PCM1: variants seen among roughly 807,000 people sequenced by gnomAD.
The protein encoded by PCM1 is pericentriolar material 1 protein.
PCM1 carries 157 observed loss-of-function variants against 241.9 expected under a neutral mutation model. The ratio of observed to expected loss-of-function variants is 0.65; its 90% CI spans 0.57 to 0.74. PCM1 has a LOEUF of 0.74. Ranked by LOEUF, PCM1 falls within the 30% of genes least tolerant of loss-of-function variation. The pLI, the probability that PCM1 is intolerant of heterozygous loss-of-function variation, is 0.00. For missense variants in PCM1, 3,478 were observed against 2,360.1 expected, an observed-to-expected ratio of 1.47 and a Z score of -9.81; for synonymous variants, 1,085 against 784.9, an observed-to-expected ratio of 1.38 and a Z score of -6.39.
At chr8:17,939,642 T>G (rs1171169120) in intron 5 of PCM1, 49 bp from the exon 6 acceptor site, 2 of 1,069,630 alleles carry the variant, frequency 1.9e-6, no homozygotes, top group East Asian at 5.3e-5. Flanking sequence ...CTTAGTTTTA[T>G]ATATTGTGTA....
At chr8:17,931,752 T>C (rs2059111142) in intron 2 of PCM1, among the ~76,000 whole-genome samples, 1 of 152,212 alleles carries the variant, frequency 6.6e-6, no homozygotes, top group African/African-American at 2.4e-5. Context: ...GGCTGTTTTA[T>C]TCTTCAGTAT....
chr8:17,981,382 C>T (rs139146339), intron 24 of PCM1, among the ~76,000 whole-genome samples: 60 of 152,314 alleles, frequency 3.9e-4, no homozygotes, highest in African/African-American at 1.3e-3. Flanking sequence ...TTTCCCCTTT[C>T]TCCTGTTTTC....
At chr8:17,940,230 AT>A in intron 6 of PCM1, 1 of 769,884 alleles carries the variant, frequency 1.3e-6, no homozygotes, top group Non-Finnish European at 2.2e-6. Context: ...TCAAGATGTT[AT>A]TTTTATAGGC....
rs758335720 is a variant in PCM1, at chr8:17,957,651, C to T, written c.1916C>T (p.Ser639Phe). 21 of 1,599,798 alleles carry T rather than the reference C, an allele frequency of 1.3e-5. No homozygotes were observed. Among genetic ancestry groups the T allele is most frequent in the Non-Finnish European group, 1.8e-5 (21 of 1,172,136 alleles). Residue 639 changes from serine (S) to phenylalanine (F), a missense_variant, in exon 13 of 39, where the codon TCT (serine) becomes TTT (phenylalanine). Ser to Phe is a radical substitution (Grantham distance 155). Transcript: ENST00000325083. ...GAGGGAGTCAGTGGAGCTTCATTAT[C>T]TAGTCACAGGAGCAGTCTGGTTGAT... ...EEEGVSGASL[S>F]SHRSSLVDEH...
At chr8:17,925,101 C>T (rs1187057350) in intron 2 of PCM1, 1 of 152,222 alleles carries the variant, frequency 6.6e-6, no homozygotes, top group African/African-American at 2.4e-5. Flanking sequence ...GCCTCTCTTT[C>T]CAAATCCATT....
chr8:17,990,110 T>A (rs886916451), intron 27 of PCM1, 131 bp downstream of exon 27: 6 of 632,546 alleles, frequency 9.5e-6, no homozygotes, highest in African/African-American at 7.5e-5. Context: ...GACTTAATTA[T>A]CTATCAGTCT....
intron 2 of PCM1, among the ~76,000 whole-genome samples, chr8:17,930,078 T>C (rs1180104210): frequency 6.6e-6 from 1 of 151,318 alleles, no homozygotes; most frequent in Admixed American, 6.6e-5. Flanking sequence ...ACATCCTTAG[T>C]CTTTTCGTTA....
In PCM1 at chr8:17,938,851, A is replaced by C; in HGVS notation, c.454A>C (p.Lys152Gln). Residue 152 changes from lysine (K) to glutamine (Q), a missense_variant, in exon 5 of 39, where the codon AAG (lysine) becomes CAG (glutamine). By Grantham distance (53) the Lys-to-Gln change is moderately conservative. Transcript: ENST00000325083. Reference sequence around the variant, plus strand: ...TTTGCCTATGCAGATTAATACTAACAAGAGCAAAGATGCATCTACAAACCC... The same window carrying C: ...TTTGCCTATGCAGATTAATACTAACCAGAGCAAAGATGCATCTACAAACCC... ...NFLPMQINTN[K>Q]SKDASTNPPN... 1 of 1,613,682 alleles carries C rather than the reference A, an allele frequency of 6.2e-7. No individual in the cohort carries two copies. The highest frequency in any genetic ancestry group is 1.3e-5 in the African/African-American group (1 of 75,048).
rs1318628133 is a variant in PCM1, at chr8:17,974,296, A to G, written c.3943+1609A>G. On this transcript the variant is annotated intron_variant, in intron 23 of 38. Transcript: ENST00000325083. ...TAGAGACAGGGCCGTTAGGCAACTC[A>G]GAACTTTCTATTTCCTAGTGCTTTG... is the stretch of plus-strand genomic sequence containing the variant. Among the ~76,000 whole-genome samples, 4 of 152,360 alleles carry G rather than the reference A, an allele frequency of 2.6e-5. No homozygotes were observed. In the East Asian group the frequency reaches 7.7e-4, roughly 29 times the overall value.
intron 8 of PCM1, among the ~76,000 whole-genome samples, chr8:17,950,947 G>T (rs531346025): frequency 8.5e-5 from 13 of 152,354 alleles, no homozygotes; most frequent in African/African-American, 2.6e-4. Context: ...TATACTTTAA[G>T]AATCACTAAA....
intron 26 of PCM1, among the ~76,000 whole-genome samples, chr8:17,987,839 G>A (rs1336759492): frequency 6.6e-6 from 1 of 151,846 alleles, no homozygotes; most frequent in African/African-American, 2.4e-5. Flanking sequence ...GCAAGTACTT[G>A]AAGTATAGCT....
At chr8:17,973,632 G>A (rs1472670076) in intron 23 of PCM1, among the ~76,000 whole-genome samples, 1 of 151,508 alleles carries the variant, frequency 6.6e-6, no homozygotes, top group Non-Finnish European at 1.5e-5. Context: ...CACAAGAATC[G>A]CTTGAACCTG....
At chr8:18,023,516 TAGA>T (rs1289033365) in intron 36 of PCM1, among the ~76,000 whole-genome samples, 11 of 152,192 alleles carry the variant, frequency 7.2e-5, no homozygotes, top group African/African-American at 2.4e-4. Context: ...GGAACTCCAG[TAGA>T]AGTTTAGCTG....
intron 29 of PCM1, among the ~76,000 whole-genome samples, chr8:17,995,270 T>C (rs1588083362): frequency 6.6e-6 from 1 of 151,414 alleles, no homozygotes; most frequent in Admixed American, 6.6e-5. Flanking sequence ...CCAGCACCAT[T>C]TATTGTGAAG....
In PCM1 at chr8:17,939,681, T is replaced by TC; in HGVS notation, c.613-6dup. Reference sequence around the variant, plus strand: ...TCATGCTTTTTTTAAAAAAAATATTTCCCCTGCAGATTGTAAGCAGGCTTG... The same window carrying TC: ...TCATGCTTTTTTTAAAAAAAATATTTCCCCCTGCAGATTGTAAGCAGGCTTG... On this transcript the variant is annotated splice_polypyrimidine_tract_variant and intron_variant, in intron 5 of 38. Transcript: ENST00000325083. 1.4e-6 allele frequency: 2 copies of TC among 1,470,118 alleles called. No homozygotes were observed. Among genetic ancestry groups the TC allele is most frequent in the South Asian group, 1.4e-5 (1 of 73,072 alleles). 91.1% of individuals were successfully genotyped at this position (1,470,118 alleles called of 1,614,324 possible).
rs182265565 is a variant in PCM1 at position 17,991,718 on chromosome 8, C to T, written c.4690+18C>T. On this transcript the variant is annotated intron_variant, in intron 28 of 38. Coordinates refer to ENST00000325083, the MANE Select transcript of PCM1 (RefSeq NM_006197.4). ...TTTAGAAGGTATATATTTTTGTTTT[C>T]GGTAGGTTTTTGGAGAACAGGTGGT... 2.7e-4 allele frequency: 412 copies of T among 1,531,254 alleles called. No individual in the cohort carries two copies. The highest frequency in any genetic ancestry group is 1.8e-3 in the East Asian group (75 of 40,686). The allele number at this position is 1,531,254 out of a possible 1,614,324, so 94.9% of individuals were successfully genotyped here. A position where few individuals can be genotyped will look rare whatever the true frequency, so the allele number is the denominator to read the frequency against.
chr8:17,985,818 G>T, intron 25 of PCM1, 141 bp from the exon 26 acceptor site: 2 of 725,070 alleles, frequency 2.8e-6, no homozygotes, highest in East Asian at 2.8e-5. Flanking sequence ...TCAGTGTTTT[G>T]TCTACTTCCT....
chr8:17,962,358 TA>T, intron 16 of PCM1, 184 bp downstream of exon 16: 1 of 312,592 alleles, frequency 3.2e-6, no homozygotes, highest in Non-Finnish European at 5.7e-6. Flanking sequence ...ATAAGAAAGA[TA>T]AAACATTTTA....
chr8:17,943,727 A>C (rs1027654668), intron 6 of PCM1, among the ~76,000 whole-genome samples: 1 of 152,006 alleles, frequency 6.6e-6, no homozygotes, highest in African/African-American at 2.4e-5. Context: ...TCTTCAGGGG[A>C]AAAAATCTTA....
Sources: gnomAD v4.1 joint callset for allele counts (sites outside exome capture counted in the v4.1 genomes callset) on GRCh38, gnomAD v4.1.1 for gene constraint, MANE v1.5 for transcripts, NCBI Gene and HGNC (gene_info 2026-07-23, HGNC 2026-07-21) for gene names.